Variants in IPO13 observed in about 807,000 individuals in gnomAD.
IPO13 encodes importin 13.
A neutral mutation model predicts 115.5 loss-of-function variants in IPO13; 28 were observed. The ratio of observed to expected loss-of-function variants is 0.24; its 90% CI spans 0.18 to 0.33. IPO13 has a LOEUF of 0.33. Among genes scored for constraint, IPO13 ranks in the 10% least tolerant of loss-of-function variants. The pLI is 1.00. For missense variants in IPO13, 785 were observed against 1,204.6 expected (o/e 0.65, Z 5.16); for synonymous variants, 414 against 478.9 (o/e 0.86, Z 1.77).
In IPO13 at chr1:43,958,565, C is replaced by T; in HGVS notation, c.1854C>T (p.Ile618=). The change falls in exon 10 of 20, where the codon ATC becomes ATT. Residue 618 remains isoleucine, a synonymous_variant. Transcript: ENST00000372343. This position sits in a 1 kb window ranked among gnomAD's most constrained non-coding sequence, Gnocchi z 6.3. ...KNLHSLISPY[I]QQLEKLAEEI... ...TGCACTCGCTTATCTCACCCTATATCCAGCAACTGGAGAAGCTGGCAGAGG... is the reference window on the plus strand; with the variant it reads ...TGCACTCGCTTATCTCACCCTATATTCAGCAACTGGAGAAGCTGGCAGAGG... The T allele has an allele frequency of 6.2e-7, 1 of 1,614,112 alleles. No individual in the cohort carries two copies. Among genetic ancestry groups the T allele is most frequent in the South Asian group, 1.1e-5 (1 of 91,076 alleles).
In IPO13 at chr1:43,960,252, G is replaced by T. The variant is rs201190060; in HGVS notation, c.2032G>T (p.Val678Leu). The T allele has an allele frequency of 1.2e-5, 20 of 1,614,150 alleles. No homozygotes were observed. The highest frequency in any genetic ancestry group is 3.3e-4 in the Middle Eastern group (2 of 6,062). ...LPVPQGPNPV[V>L]VVLQQVFQLI... ...TCACTTCTTCCTGTGCCTTCAGGTG[G>T]TGGTGGTGCTGCAGCAGGTCTTCCA... is the stretch of plus-strand genomic sequence containing the variant. Residue 678 changes from valine (V) to leucine (L), a missense_variant, in exon 12 of 20, where the codon GTG becomes TTG. By Grantham distance (32) the Val-to-Leu change is conservative. Coordinates refer to ENST00000372343, the MANE Select transcript of IPO13 (RefSeq NM_014652.4).
intron 7 of IPO13, 33 bp downstream of exon 7, chr1:43,957,582 C>G: frequency 1.2e-6 from 2 of 1,611,544 alleles, no homozygotes; most frequent in Non-Finnish European, 1.7e-6. Flanking sequence ...GACCATATTC[C>G]CAGAGCCACA....
At chr1:43,948,572 G>A (rs1390981739) in intron 1 of IPO13, among the ~76,000 whole-genome samples, 1 of 152,234 alleles carries the variant, frequency 6.6e-6, no homozygotes, top group Non-Finnish European at 1.5e-5. Flanking sequence ...GGCTGTCAGG[G>A]GTACAAATAG....
chr1:43,949,970 G>C lies in IPO13; in HGVS notation c.638G>C (p.Ser213Thr), dbSNP rs766624428. 2 of 1,610,992 alleles carry C rather than the reference G, an allele frequency of 1.2e-6. No individual in the cohort carries two copies. The highest frequency in any genetic ancestry group is 1.7e-6 in the Non-Finnish European group (2 of 1,179,422). The change falls in exon 2 of 20, where the codon AGC becomes ACC. Residue 213 changes from serine to threonine, a missense_variant. This residue lies in a region of IPO13 where 325 missense variants were observed against 449.8 expected (regional missense o/e 0.72). Coordinates refer to ENST00000372343, the MANE Select transcript of IPO13 (RefSeq NM_014652.4). ...PLLEQLLQQP[S>T]SPSCVRQKVL... Reference sequence around the variant, plus strand: ...CTGGAGCAGCTGCTACAGCAGCCCAGCTCACCCAGCTGTGTGCGTCAGAAG... The same window carrying C: ...CTGGAGCAGCTGCTACAGCAGCCCACCTCACCCAGCTGTGTGCGTCAGAAG...
In IPO13 at chr1:43,957,452, C is replaced by T. The variant is rs186187535; in HGVS notation, c.1443C>T (p.Asp481=). 13 of 1,614,232 alleles carry T rather than the reference C, an allele frequency of 8.1e-6. No individual in the cohort carries two copies. The highest frequency in any genetic ancestry group is 6.7e-5 in the African/African-American group (5 of 75,054). The change falls in exon 7 of 20, where the codon GAC becomes GAT. Residue 481 remains aspartate, a synonymous_variant. Coordinates refer to ENST00000372343, the MANE Select transcript of IPO13 (RefSeq NM_014652.4). ...YGFQSIAETI[D]VNYSDVVPGL... ...TCCAATCCATCGCAGAGACCATTGA[C>T]GTCAACTATTCTGATGTGGTGCCTG...
chr1:43,948,173 C>T (rs1451407538), intron 1 of IPO13, among the ~76,000 whole-genome samples: 1 of 152,218 alleles, frequency 6.6e-6, no homozygotes, highest in African/African-American at 2.4e-5. Flanking sequence ...GAAGCCAGAC[C>T]AGTCCTGAGC....
At chr1:43,949,114 A>C (rs2085187927) in intron 1 of IPO13, among the ~76,000 whole-genome samples, 1 of 152,184 alleles carries the variant, frequency 6.6e-6, no homozygotes, top group East Asian at 1.9e-4. Context: ...CTTGCCCTCA[A>C]GTGCCTCCCC....
Position 43,949,880 on chromosome 1 carries a change from C to T in IPO13, c.548C>T (p.Pro183Leu). The T allele has an allele frequency of 6.2e-7, 1 of 1,612,136 alleles. No individual in the cohort carries two copies. The highest frequency in any genetic ancestry group is 8.5e-7 in the Non-Finnish European group (1 of 1,179,872). The change falls in exon 2 of 20, where the codon CCC becomes CTC. Residue 183 changes from proline (P) to leucine (L), a missense_variant. By Grantham distance (98) the Pro-to-Leu change is moderately conservative. Transcript: ENST00000372343. ...LPEEFQTSRL[P>L]QYRKGLVRTS... ...GAGGAGTTCCAGACCAGTCGCCTACCCCAGTACCGCAAAGGCCTGGTGCGG... is the reference window on the plus strand; with the variant it reads ...GAGGAGTTCCAGACCAGTCGCCTACTCCAGTACCGCAAAGGCCTGGTGCGG...
intron 11 of IPO13, among the ~76,000 whole-genome samples, chr1:43,959,842 C>A (rs2085277777): frequency 6.6e-6 from 1 of 152,210 alleles, no homozygotes; most frequent in Admixed American, 6.5e-5. Context: ...AAGCCTGCAT[C>A]TGTGCATTCC....
intron 14 of IPO13, among the ~76,000 whole-genome samples, chr1:43,963,743 T>C (rs530953409): frequency 1.3e-5 from 2 of 152,318 alleles, no homozygotes; most frequent in South Asian, 2.1e-4. Context: ...CCTAAGGCCA[T>C]TGAAGTGAGG....
In IPO13 at chr1:43,960,964, G is replaced by T. The variant is rs202168397; in HGVS notation, c.2198G>T (p.Arg733Leu). The T allele has an allele frequency of 1.2e-6, 2 of 1,614,056 alleles. No individual in the cohort carries two copies. The highest frequency in any genetic ancestry group is 1.7e-5 in the Admixed American group (1 of 59,996). The change falls in exon 13 of 20, where the codon CGG (arginine) becomes CTG (leucine). Residue 733 changes from arginine (R) to leucine (L), a missense_variant. Around this residue, in one of 3 missense-constraint regions of IPO13, gnomAD observed 285 missense variants for 394.8 expected, o/e 0.72. Transcript: ENST00000372343. ...CCACAGCTGTGTGAGATGCTGGGTC[G>T]GATGTACAGCACCATCCCCCAGGCC... ...MVPQLCEMLG[R>L]MYSTIPQASA... is the part of the protein sequence containing the mutation.
Position 43,966,332 on chromosome 1 carries a change from C to T in IPO13, c.2398-243C>T. On this transcript the variant is annotated intron_variant, in intron 15 of 19. Transcript: ENST00000372343. The surrounding 1 kb of genome is among the most constrained non-coding windows in gnomAD (Gnocchi z 4.1). ...ACTTTCTGCATTATGATCCCCACCC[C>T]CAACCTCTCTCACGTACACCTGCGT... 1 of 586,294 alleles carries T rather than the reference C, an allele frequency of 1.7e-6. No homozygotes were observed. Among genetic ancestry groups the T allele is most frequent in the Non-Finnish European group, 3.1e-6 (1 of 327,474 alleles). 36.3% of individuals were successfully genotyped at this position (586,294 alleles called of 1,614,324 possible). A position where few individuals can be genotyped will look rare whatever the true frequency, so the allele number is the denominator to read the frequency against.
intron 15 of IPO13, chr1:43,965,912 T>C (rs2085321461): frequency 6.1e-6 from 1 of 164,282 alleles, no homozygotes; most frequent in African/African-American, 2.4e-5. Context: ...CATGTCCTGG[T>C]ACCACTCGGG....
Position 43,967,331 on chromosome 1 carries a change from C to A in IPO13, c.2630C>A (p.Ala877Asp), listed in dbSNP as rs758365249. Residue 877 changes from alanine (A) to aspartate (D), a missense_variant, in exon 19 of 20, where the codon GCC becomes GAC. Around this residue, in one of 3 missense-constraint regions of IPO13, gnomAD observed 285 missense variants for 394.8 expected, o/e 0.72. Transcript: ENST00000372343. The surrounding 1 kb of genome is among the most constrained non-coding windows in gnomAD (Gnocchi z 6.1). ...CTCCCTCAGGCCATTGGGGGCCAGG[C>A]CTCCCGCAGCCTCATGGACTGCTTT... ...IAVLEAIGGQ[A>D]SRSLMDCFAD... is the part of the protein sequence containing the mutation. 6.2e-7 allele frequency: 1 copy of A among 1,613,364 alleles called. No homozygotes were observed. The highest frequency in any genetic ancestry group is 8.5e-7 in the Non-Finnish European group (1 of 1,179,466).
chr1:43,956,683 C>T lies in IPO13; in HGVS notation c.1086C>T (p.Thr362=). 1 of 1,614,246 alleles carries T rather than the reference C, an allele frequency of 6.2e-7. No individual in the cohort carries two copies. The highest frequency in any genetic ancestry group is 2.2e-5 in the East Asian group (1 of 44,888). Residue 362 remains threonine, a synonymous_variant, in exon 4 of 20, where the codon ACC becomes ACT. Coordinates refer to ENST00000372343, the MANE Select transcript of IPO13 (RefSeq NM_014652.4). This position sits in a 1 kb window ranked among gnomAD's most constrained non-coding sequence, Gnocchi z 4.7. ...AGACCACCAGCTCCCTAACCCTCAC[C>T]TTCTGGTACACACTGCAGGTGTGTC... is the stretch of plus-strand genomic sequence containing the variant. ...VNETTSSLTL[T]FWYTLQDDIL...
At chr1:43,955,767 A>G (rs1451809917) in intron 2 of IPO13, among the ~76,000 whole-genome samples, 2 of 152,242 alleles carry the variant, frequency 1.3e-5, no homozygotes, top group African/African-American at 4.8e-5. Flanking sequence ...CAAAAAATGT[A>G]TCTTTTTGTG....
chr1:43,964,687 C>G (rs1345575346), intron 15 of IPO13, among the ~76,000 whole-genome samples: 2 of 152,082 alleles, frequency 1.3e-5, no homozygotes, highest in Non-Finnish European at 2.9e-5. Context: ...ACACTGTCCC[C>G]GTGCTCCTGC....
chr1:43,958,437 G>A lies in IPO13; in HGVS notation c.1750-24G>A, dbSNP rs750863520. 3 of 1,613,640 alleles carry A rather than the reference G, an allele frequency of 1.9e-6. No homozygotes were observed. The highest frequency in any genetic ancestry group is 1.7e-6 in the Non-Finnish European group (2 of 1,179,910). On this transcript the variant is annotated intron_variant, in intron 9 of 19. Coordinates refer to ENST00000372343, the MANE Select transcript of IPO13 (RefSeq NM_014652.4). This position sits in a 1 kb window ranked among gnomAD's most constrained non-coding sequence, Gnocchi z 6.3. ...CCCACAACTAGATGTGGCCAGGACT[G>A]ACCATCCATGTTCTGCCCCACAGAC...
In IPO13 at chr1:43,952,964, C is replaced by T. The variant is rs533947300; in HGVS notation, c.821+2811C>T. On this transcript the variant is annotated intron_variant, in intron 2 of 19. Transcript: ENST00000372343. This position sits in a 1 kb window ranked among gnomAD's most constrained non-coding sequence, Gnocchi z 4.7. ...GCCTGAAGCTCAAGTGCTGGGTGGG[C>T]TCTGACAGTTGGTGACTAAGGGAAA... Among the ~76,000 whole-genome samples the T allele has an allele frequency of 2.8e-3, 432 of 152,310 alleles. 1 individual carries two copies. The highest frequency in any genetic ancestry group is 2.6e-3 in the Non-Finnish European group (180 of 68,018).
Sources: gnomAD v4.1 joint callset for allele counts (sites outside exome capture counted in the v4.1 genomes callset) on GRCh38, gnomAD v4.1.1 for gene constraint, gnomAD v4.1.1 regional missense constraint, Gnocchi (gnomAD v3.1) non-coding constraint, MANE v1.5 for transcripts, NCBI Gene and HGNC (gene_info 2026-07-23, HGNC 2026-07-21) for gene names.